Variants in CHD1 observed in about 807,000 individuals in gnomAD.
The protein encoded by CHD1 is ATP-dependent chromatin remodeler CHD1.
CHD1 carries 36 observed loss-of-function variants against 224.2 expected under a neutral mutation model. That is an observed-to-expected ratio of 0.16 (90% confidence interval 0.12 to 0.21). The LOEUF is 0.21. CHD1 is among the 10% of genes least tolerant of loss of function. The probability of loss-of-function intolerance (pLI) is 1.00; values close to 1 mark genes in which losing one functional copy is unlikely to be tolerated. For synonymous variants in CHD1, 668 were observed against 658.3 expected (o/e 1.01, Z -0.23); for missense variants, 1,378 against 1,994.8 (o/e 0.69, Z 5.89).
intron 2 of CHD1, among the ~76,000 whole-genome samples, chr5:98,912,845 C>T (rs1580508264): frequency 6.6e-6 from 1 of 152,128 alleles, no homozygotes; most frequent in Admixed American, 6.5e-5. Flanking sequence ...AATTATATAA[C>T]ATATACATTT....
Position 98,928,733 on chromosome 5 carries a change from T to G in CHD1, c.-343A>C, listed in dbSNP as rs1463757021. On this transcript the variant is annotated 5_prime_UTR_variant, in exon 1 of 36. Transcript: ENST00000614616. ...TCCGCAGCACCAACGCGCGATCCCC[T>G]GCGGAGTGGAGCTAACAATTCATTA... The G allele has an allele frequency of 6.5e-6, 1 of 153,968 alleles. No homozygotes were observed. The highest frequency in any genetic ancestry group is 1.5e-5 in the Non-Finnish European group (1 of 68,796). 9.5% of individuals were successfully genotyped at this position (153,968 alleles called of 1,614,324 possible).
chr5:98,861,899 T>G (rs568900886), intron 32 of CHD1, among the ~76,000 whole-genome samples: 6 of 151,716 alleles, frequency 4.0e-5, no homozygotes, highest in Non-Finnish European at 8.8e-5. Flanking sequence ...AAAAAAAAAA[T>G]TCCCCCCAGC....
intron 2 of CHD1, among the ~76,000 whole-genome samples, chr5:98,924,707 G>A (rs895579542): frequency 7.9e-5 from 12 of 152,168 alleles, no homozygotes; most frequent in African/African-American, 2.7e-4. Context: ...CTGGCGTGGT[G>A]GCTCATGCCT....
rs749403186 is a variant in CHD1, at chr5:98,899,659, G to T, written c.906C>A (p.Asp302Glu). 6.2e-7 allele frequency: 1 copy of T among 1,613,492 alleles called. No homozygotes were observed. The highest frequency in any genetic ancestry group is 1.7e-5 in the Admixed American group (1 of 59,948). Residue 302 changes from aspartate (D) to glutamate (E), a missense_variant, in exon 8 of 36, where the codon GAC becomes GAA. Physicochemically the swap from Asp to Glu is conservative, Grantham distance 45 (BLOSUM62 2). Transcript: ENST00000614616. ...TTIYAVEADG[D>E]PNAGFEKNKE... Reference sequence around the variant, plus strand: ...TGTTTTTTTCAAAGCCTGCATTTGGGTCACCATCTGCTTCAACTGCATAGA... The same window carrying T: ...TGTTTTTTTCAAAGCCTGCATTTGGTTCACCATCTGCTTCAACTGCATAGA...
intron 19 of CHD1, among the ~76,000 whole-genome samples, chr5:98,882,754 T>A (rs948721364): frequency 6.6e-6 from 1 of 152,146 alleles, no homozygotes; most frequent in Non-Finnish European, 1.5e-5. Context: ...AACAGAAAGG[T>A]AGCATATGCT....
intron 23 of CHD1, among the ~76,000 whole-genome samples, chr5:98,877,548 T>A (rs1487190248): frequency 6.6e-6 from 1 of 152,232 alleles, no homozygotes; most frequent in Non-Finnish European, 1.5e-5. Flanking sequence ...TAACATCCAT[T>A]AATTTTAATA....
Position 98,876,438 on chromosome 5 carries a change from G to A in CHD1, c.3358C>T (p.Arg1120Trp), listed in dbSNP as rs768739262. ...TCACTAAATCCTTTAATATTCTCCC[G>A]AGGAATAGTCCGTGGTCTTCCACGT... ...KKRGRPRTIPRENIKGFSDAE... is the reference protein window; with the variant it reads ...KKRGRPRTIPWENIKGFSDAE... The change falls in exon 24 of 36, where the codon CGG becomes TGG. Residue 1120 changes from arginine to tryptophan, a missense_variant. Physicochemically the swap from Arg to Trp is moderately radical, Grantham distance 101. Transcript: ENST00000614616. 1.9e-6 allele frequency: 3 copies of A among 1,613,802 alleles called. No homozygotes were observed. The highest frequency in any genetic ancestry group is 2.5e-6 in the Non-Finnish European group (3 of 1,179,918).
chr5:98,890,049 A>G (rs1750912146), intron 15 of CHD1, among the ~76,000 whole-genome samples: 1 of 152,168 alleles, frequency 6.6e-6, no homozygotes. Context: ...GTCGACTACT[A>G]GAGGGGGGAA....
At chr5:98,900,681 A>G (rs1751644280) in intron 7 of CHD1, 130 bp downstream of exon 7, 2 of 743,194 alleles carry the variant, frequency 2.7e-6, no homozygotes, top group Admixed American at 3.0e-5. Context: ...CCTCAGGTCT[A>G]GAACTCCTGA....
chr5:98,875,690 G>A (rs894388915), intron 24 of CHD1, among the ~76,000 whole-genome samples: 4 of 152,116 alleles, frequency 2.6e-5, no homozygotes, highest in African/African-American at 9.7e-5. Flanking sequence ...GACTAACAAT[G>A]TATTAAATTT....
At chr5:98,892,772 T>TA in intron 14 of CHD1, 59 bp from the exon 15 acceptor site, 1 of 1,206,124 alleles carries the variant, frequency 8.3e-7, no homozygotes, top group Non-Finnish European at 1.1e-6. Flanking sequence ...GTATGTTGTG[T>TA]ATGAACTTTT....
rs926646765 is a variant in CHD1, at chr5:98,927,421, T to C, written c.-148-887A>G. ...CGAGACAGCCAACTGAGAGCAGAGC[T>C]GTCCTCCGACCTCAGCAAAGAGAAT... On this transcript the variant is annotated intron_variant, in intron 1 of 35. Transcript: ENST00000614616. 1.3e-5 allele frequency among the ~76,000 whole-genome samples: 2 copies of C among 152,060 alleles called. 1 individual carries two copies. The highest frequency in any genetic ancestry group is 4.8e-5 in the African/African-American group (2 of 41,380).
In CHD1 at chr5:98,911,861, A is replaced by C. The variant is rs111496846; in HGVS notation, c.54-6763T>G. Among the ~76,000 whole-genome samples, 14 of 152,356 alleles carry C rather than the reference A, an allele frequency of 9.2e-5. 1 individual carries two copies. Among genetic ancestry groups the C allele is most frequent in the African/African-American group, 3.4e-4 (14 of 41,582 alleles). ...AACTGTCCAGAATGAAGGAGATTAA[A>C]GAGATACGACAGTCAAATGCAATAT... is the stretch of plus-strand genomic sequence containing the variant. On this transcript the variant is annotated intron_variant, in intron 2 of 35. Transcript: ENST00000614616.
chr5:98,859,080 A>G (rs1748267162), intron 33 of CHD1, 65 bp from the exon 34 acceptor site: 1 of 1,225,362 alleles, frequency 8.2e-7, no homozygotes, highest in Non-Finnish European at 1.2e-6. Flanking sequence ...AAAAGCACAG[A>G]TAATTCTTAG....
Position 98,856,630 on chromosome 5 carries a change from T to C in CHD1, c.4883A>G (p.His1628Arg). The C allele has an allele frequency of 6.3e-7, 1 of 1,596,520 alleles. No homozygotes were observed. Among genetic ancestry groups the C allele is most frequent in the African/African-American group, 1.3e-5 (1 of 74,680 alleles). ...ATCTGAGTGAGAACGATGATCAGAA[T>C]GAGATCTATCTTTTAAACTTCCTTC... is the stretch of plus-strand genomic sequence containing the variant. ...NLEGSLKDRS[H>R]SDHRSHSDHR... The change falls in exon 36 of 36, where the codon CAT becomes CGT. Residue 1628 changes from histidine (H) to arginine (R), a missense_variant. Physicochemically the swap from His to Arg is conservative, Grantham distance 29. This residue lies in a region of CHD1 where 278 missense variants were observed against 298.5 expected (regional missense o/e 0.93). Coordinates refer to ENST00000614616, the MANE Select transcript of CHD1 (RefSeq NM_001270.4).
intron 17 of CHD1, 85 bp downstream of exon 17, chr5:98,888,003 C>A: frequency 1.2e-6 from 1 of 864,040 alleles, no homozygotes; most frequent in Non-Finnish European, 1.7e-6. Flanking sequence ...AACCTAAACA[C>A]TTATAAAATA....
At chr5:98,896,764 T>A (rs1751366001) in intron 11 of CHD1, among the ~76,000 whole-genome samples, 2 of 138,238 alleles carry the variant, frequency 1.4e-5, no homozygotes, top group Non-Finnish European at 1.5e-5. Context: ...ATTAAATAAG[T>A]AAAAAGTATA....
chr5:98,911,747 A>ATT (rs1262061795), intron 2 of CHD1, among the ~76,000 whole-genome samples: 4 of 152,230 alleles, frequency 2.6e-5, no homozygotes, highest in Admixed American at 2.6e-4. Context: ...AGTGAATACC[A>ATT]GAAAAACCCA....
chr5:98,872,924 G>C (rs1188893593), intron 26 of CHD1, among the ~76,000 whole-genome samples: 2 of 152,112 alleles, frequency 1.3e-5, no homozygotes, highest in African/African-American at 4.8e-5. Flanking sequence ...CTGGGCTCAA[G>C]CAACCCTCCC....
Sources: allele counts gnomAD v4.1 joint callset (sites outside exome capture counted in the v4.1 genomes callset), GRCh38; gene constraint gnomAD v4.1.1; regional missense constraint gnomAD v4.1.1; transcripts MANE v1.5; gene names NCBI Gene and HGNC (gene_info 2026-07-23, HGNC 2026-07-21).